CRACR2B: variants seen among roughly 807,000 people sequenced by gnomAD.
CRACR2B encodes EF-hand calcium-binding domain-containing protein 4A.
CRACR2B carries 50 observed loss-of-function variants against 46.0 expected under a neutral mutation model. The observed-to-expected ratio is 1.09, with a 90% CI of 0.87 to 1.38. The LOEUF is 1.38. Ranked by LOEUF, CRACR2B falls within the 40% of genes most tolerant of loss-of-function variation. The pLI is 0.00. For missense variants in CRACR2B, 667 were observed against 535.0 expected, an observed-to-expected ratio of 1.25 and a Z score of -2.43; for synonymous variants, 277 against 239.6, an observed-to-expected ratio of 1.16 and a Z score of -1.44.
At position 828,707 on chromosome 11, in the gene CRACR2B, G is replaced by C. The variant is rs371562171; in HGVS notation, c.100G>C (p.Ala34Pro). The change falls in exon 1 of 9, where the codon GCT (alanine) becomes CCT (proline). Residue 34 changes from alanine (A) to proline (P), a missense_variant. Ala to Pro is a conservative substitution (Grantham distance 27). Coordinates refer to ENST00000525077, the MANE Select transcript of CRACR2B (RefSeq NM_001286606.2). ...GCCGCGGGCTGCAATACTGGAGCAG[G>C]CTGAGGAGCTGTTTCTGCTGTGTGA... Reference protein sequence around the residue: ...AGPRAAILEQAEELFLLCDKE... With the variant: ...AGPRAAILEQPEELFLLCDKE... 1.1e-4 allele frequency: 183 copies of C among 1,612,994 alleles called. No individual in the cohort carries two copies. Among genetic ancestry groups the C allele is most frequent in the Non-Finnish European group, 1.4e-4 (162 of 1,179,778 alleles).
At chr11:831,458 TGA>T in intron 8 of CRACR2B, 75 bp from the exon 9 acceptor site, 2 of 1,500,614 alleles carry the variant, frequency 1.3e-6, no homozygotes, top group Non-Finnish European at 1.8e-6. Context: ...CTCTTCGCTC[TGA>T]GGGGAGTCGG....
Position 830,047 on chromosome 11 carries a change from T to C in CRACR2B, c.520T>C (p.Ser174Pro). 1 of 1,565,970 alleles carries C rather than the reference T, an allele frequency of 6.4e-7. No individual in the cohort carries two copies. Among genetic ancestry groups the C allele is most frequent in the Admixed American group, 1.8e-5 (1 of 55,944 alleles). The stretch of plus-strand genomic sequence containing the variant: ...GCGCGAGCGCCCCGAGCTGCTGGGC[T>C]CTTTCGAGGATGTTCTGATACGCGC... ...LQRERPELLG[S>P]FEDVLIRASA... The change falls in exon 4 of 9, where the codon TCT becomes CCT. Residue 174 changes from serine (S) to proline (P), a missense_variant. By Grantham distance (74) the Ser-to-Pro change is moderately conservative (BLOSUM62 -1). Transcript: ENST00000525077.
In CRACR2B at chr11:828,437, C is replaced by A; in HGVS notation, c.-171C>A. ...CCCAAGCCTGCAGCATTTTCCACCC[C>A]CAGCCCCCTGGTCCCACCTTGCCTT... On this transcript the variant is annotated 5_prime_UTR_variant, in exon 1 of 9. Transcript: ENST00000525077. The A allele has an allele frequency of 1.3e-6, 1 of 746,930 alleles. No homozygotes were observed. Among genetic ancestry groups the A allele is most frequent in the Non-Finnish European group, 2.1e-6 (1 of 484,768 alleles). 46.3% of individuals were successfully genotyped at this position (746,930 alleles called of 1,614,324 possible). A position where few individuals can be genotyped will look rare whatever the true frequency, so the allele number is the denominator to read the frequency against.
rs1565098232 is a variant in CRACR2B at position 828,532 on chromosome 11, GC to G, written c.-75del. The G allele has an allele frequency of 6.8e-7, 1 of 1,465,452 alleles. No individual in the cohort carries two copies. The highest frequency in any genetic ancestry group is 9.0e-7 in the Non-Finnish European group (1 of 1,112,874). The allele number at this position is 1,465,452 out of a possible 1,614,324, so 90.8% of individuals were successfully genotyped here. ...CTTCAGACACACTTGCACCCCATCC[GC>G]TCCCCTCCTGAATTTCTTCTGACCC... On this transcript the variant is annotated 5_prime_UTR_variant, in exon 1 of 9. Transcript: ENST00000525077.
rs999118152 is a variant in CRACR2B at position 831,459 on chromosome 11, G to A, written c.1026-76G>A. On this transcript the variant is annotated intron_variant, in intron 8 of 8. Transcript: ENST00000525077. ...TCAGCCAGACACCTCTCTTCGCTCTGAGGGGAGTCGGAGCTCACCTCCCCC... is the reference window on the plus strand; with the variant it reads ...TCAGCCAGACACCTCTCTTCGCTCTAAGGGGAGTCGGAGCTCACCTCCCCC... 1.6e-5 allele frequency: 24 copies of A among 1,502,464 alleles called. No individual in the cohort carries two copies. The African/African-American group carries it at 2.9e-4, about 18-fold the overall frequency. 93.1% of individuals were successfully genotyped at this position (1,502,464 alleles called of 1,614,324 possible). A position where few individuals can be genotyped will look rare whatever the true frequency, so the allele number is the denominator to read the frequency against.
At chr11:830,371 C>A in intron 5 of CRACR2B, 34 bp downstream of exon 5, 1 of 1,536,786 alleles carries the variant, frequency 6.5e-7, no homozygotes, top group Non-Finnish European at 8.7e-7. Flanking sequence ...CCGCCAGGCC[C>A]AATCCCACCT....
At chr11:829,761 C>T in intron 3 of CRACR2B, 3 of 1,031,674 alleles carry the variant, frequency 2.9e-6, no homozygotes, top group Non-Finnish European at 4.1e-6. Flanking sequence ...GGAGGGGCAG[C>T]GCCGGGCGCG....
chr11:830,638 G>A lies in CRACR2B; in HGVS notation c.711G>A (p.Glu237=). 1.3e-6 allele frequency: 2 copies of A among 1,549,126 alleles called. No homozygotes were observed. The highest frequency in any genetic ancestry group is 1.7e-6 in the Non-Finnish European group (2 of 1,146,680). Residue 237 remains glutamate (E), a synonymous_variant, in exon 6 of 9, where the codon GAG becomes GAA. Coordinates refer to ENST00000525077, the MANE Select transcript of CRACR2B (RefSeq NM_001286606.2). ...RPPSQNFARG[E]RRSRLELELQ... is the part of the protein sequence containing the mutation. ...CGTCCCAGAACTTCGCCCGCGGGGA[G>A]CGGAGAAGCCGTCTGGAGCTGGAGC... is the stretch of plus-strand genomic sequence containing the variant.
At chr11:831,088 C>T in intron 7 of CRACR2B, 56 bp downstream of exon 7, 2 of 1,543,738 alleles carry the variant, frequency 1.3e-6, no homozygotes, top group Non-Finnish European at 1.7e-6. Flanking sequence ...GCGGGGCCGA[C>T]GGGCGCTCAG....
Position 830,719 on chromosome 11 carries a change from C to T in CRACR2B, c.786+6C>T, listed in dbSNP as rs1243431976. 1 of 1,527,144 alleles carries T rather than the reference C, an allele frequency of 6.5e-7. No individual in the cohort carries two copies. Among genetic ancestry groups the T allele is most frequent in the South Asian group, 1.2e-5 (1 of 81,052 alleles). 94.6% of individuals were successfully genotyped at this position (1,527,144 alleles called of 1,614,324 possible). A position where few individuals can be genotyped will look rare whatever the true frequency, so the allele number is the denominator to read the frequency against. On this transcript the variant is annotated splice_donor_region_variant and intron_variant, in intron 6 of 8. Coordinates refer to ENST00000525077, the MANE Select transcript of CRACR2B (RefSeq NM_001286606.2). ...CGGGCCTGCGGCAGCGGGAGGTGAG[C>T]ACCCGGCCCCTGCCCTGTCCCCACG...
In CRACR2B at chr11:828,441, C is replaced by A. The variant is rs1312312714; in HGVS notation, c.-167C>A. ...AGCCTGCAGCATTTTCCACCCCCAG[C>A]CCCCTGGTCCCACCTTGCCTTCCGC... On this transcript the variant is annotated 5_prime_UTR_variant, in exon 1 of 9. Transcript: ENST00000525077. 2.6e-6 allele frequency: 2 copies of A among 756,864 alleles called. No homozygotes were observed. The highest frequency in any genetic ancestry group is 2.0e-5 in the South Asian group (1 of 48,822). The allele number at this position is 756,864 out of a possible 1,614,324, so 46.9% of individuals were successfully genotyped here. A position where few individuals can be genotyped will look rare whatever the true frequency, so the allele number is the denominator to read the frequency against.
intron 5 of CRACR2B, 37 bp downstream of exon 5, chr11:830,374 TC>T (rs1200444939): frequency 6.5e-7 from 1 of 1,536,194 alleles, no homozygotes; most frequent in Non-Finnish European, 8.7e-7. Flanking sequence ...CCAGGCCCAA[TC>T]CCACCTCGCT....
chr11:831,254 G>A lies in CRACR2B; in HGVS notation c.984G>A (p.Gln328=), dbSNP rs762921111. The part of the protein sequence containing the change: ...RDVVAVSRNM[Q]KEKVSLLRQL... ...TGGTCGCCGTCTCCAGGAACATGCA[G>A]AAAGAGAAAGTCAGCCTGCTACGGC... Residue 328 remains glutamine (Q), a synonymous_variant, in exon 8 of 9, where the codon CAG becomes CAA. Transcript: ENST00000525077. 7 of 1,611,034 alleles carry A rather than the reference G, an allele frequency of 4.3e-6. No individual in the cohort carries two copies. Among genetic ancestry groups the A allele is most frequent in the Non-Finnish European group, 5.9e-6 (7 of 1,179,344 alleles).
rs1446476786 is a variant in CRACR2B at position 829,352 on chromosome 11, G to A, written c.278-8G>A. ...CAGCCCTGGTAATCGCTCGCTCCAT[G>A]CCCGCAGGGATGTTTGTGGGGGTGG... On this transcript the variant is annotated splice_region_variant and splice_polypyrimidine_tract_variant and intron_variant, in intron 2 of 8. Transcript: ENST00000525077. 1.2e-5 allele frequency: 20 copies of A among 1,600,356 alleles called. No homozygotes were observed. The highest frequency in any genetic ancestry group is 8.5e-7 in the Non-Finnish European group (1 of 1,175,690).
At chr11:831,122 C>G (rs7114218) in intron 7 of CRACR2B, 90 bp downstream of exon 7, 1 of 1,573,836 alleles carries the variant, frequency 6.4e-7, no homozygotes, top group Non-Finnish European at 8.6e-7. Context: ...TCATCCCCAT[C>G]TCAAGTCCCA....
rs1846482813 is a variant in CRACR2B, at chr11:831,861, T to TCAGGGTCCCGGGAGTGGC, written c.*163_*180dup. 6 of 1,010,186 alleles carry TCAGGGTCCCGGGAGTGGC rather than the reference T, an allele frequency of 5.9e-6. No individual in the cohort carries two copies. Among genetic ancestry groups the TCAGGGTCCCGGGAGTGGC allele is most frequent in the Non-Finnish European group, 6.8e-6 (5 of 738,078 alleles). The allele number at this position is 1,010,186 out of a possible 1,614,324, so 62.6% of individuals were successfully genotyped here. ...CATGAAGGACCTAGCCTAGGAGTGG[T>TCAGGGTCCCGGGAGTGGC]CAGGGTCCCGGGAGTGGCCAGGGTC... On this transcript the variant is annotated 3_prime_UTR_variant, in exon 9 of 9. Coordinates refer to ENST00000525077, the MANE Select transcript of CRACR2B (RefSeq NM_001286606.2).
intron 6 of CRACR2B, 42 bp downstream of exon 6, chr11:830,755 C>A: frequency 1.3e-6 from 2 of 1,496,210 alleles, no homozygotes; most frequent in Non-Finnish European, 1.8e-6. Context: ...GTCACCCGTG[C>A]ACTCTCCCCC....
In CRACR2B at chr11:829,520, G is replaced by A. The variant is rs1411999988; in HGVS notation, c.438G>A (p.Gly146=). The change falls in exon 3 of 9, where the codon GGG becomes GGA. Residue 146 remains glycine, a synonymous_variant. Coordinates refer to ENST00000525077, the MANE Select transcript of CRACR2B (RefSeq NM_001286606.2). ...TCCACACTGTGCTGGAGCAGCTGGG[G>A]GTGGCCCCGGTCCTGGGCAAGTGAG... is the stretch of plus-strand genomic sequence containing the variant. ...ERFHTVLEQL[G]VAPVLGKQRA... 1.9e-6 allele frequency: 3 copies of A among 1,595,862 alleles called. No homozygotes were observed. Among genetic ancestry groups the A allele is most frequent in the African/African-American group, 2.7e-5 (2 of 74,566 alleles).
chr11:829,960 A>T, intron 3 of CRACR2B, 26 bp from the exon 4 acceptor site: 1 of 1,551,018 alleles, frequency 6.4e-7, no homozygotes, highest in East Asian at 2.4e-5. Context: ...TGCCAGCTCC[A>T]GCCTCAGTTC....
Sources: gnomAD v4.1 joint callset for allele counts on GRCh38, gnomAD v4.1.1 for gene constraint, MANE v1.5 for transcripts, NCBI Gene and HGNC (gene_info 2026-07-23, HGNC 2026-07-21) for gene names.